LMNB1: variants seen among roughly 807,000 people sequenced by gnomAD.
The protein encoded by LMNB1 is lamin B1, also known as lamin-B1.
Under a neutral mutation model 67.1 loss-of-function variants are expected in LMNB1, and 23 were observed. That is an observed-to-expected ratio of 0.34 (90% CI 0.25 to 0.49). The LOEUF (loss-of-function observed/expected upper bound fraction) is 0.49. LMNB1 is among the 20% of genes least tolerant of loss of function. The probability of loss-of-function intolerance (pLI) is 0.99; values close to 1 mark genes in which losing one functional copy is unlikely to be tolerated. For synonymous variants in LMNB1, 281 were observed against 282.9 expected (o/e 0.99, Z 0.07); for missense variants, 634 against 746.5 (o/e 0.85, Z 1.76).
intron 10 of LMNB1, 89 bp downstream of exon 10, chr5:126,832,890 T>C: frequency 2.5e-6 from 2 of 798,196 alleles, no homozygotes; most frequent in Middle Eastern, 4.0e-4. Context: ...TTTTCCCCTA[T>C]CAGTTGATGA....
chr5:126,804,673 C>T, intron 1 of LMNB1, 103 bp from the exon 2 acceptor site: 1 of 1,060,166 alleles, frequency 9.4e-7, no homozygotes, highest in Non-Finnish European at 1.3e-6. Context: ...TGATGGGAGC[C>T]TTTATTTAAA....
chr5:126,786,510 G>A (rs1399453744), intron 1 of LMNB1, among the ~76,000 whole-genome samples: 1 of 152,130 alleles, frequency 6.6e-6, no homozygotes. Context: ...GTATTACTTA[G>A]CAAGTAATGA....
intron 1 of LMNB1, among the ~76,000 whole-genome samples, chr5:126,799,084 C>G (rs1561741577): frequency 6.8e-6 from 1 of 147,500 alleles, no homozygotes; most frequent in African/African-American, 2.5e-5. Flanking sequence ...GTGGCGCAAT[C>G]TCGGCTCACT....
At chr5:126,790,359 G>A (rs537009098) in intron 1 of LMNB1, among the ~76,000 whole-genome samples, 4 of 152,166 alleles carry the variant, frequency 2.6e-5, no homozygotes, top group Admixed American at 6.5e-5. Flanking sequence ...GCCTGCCTCG[G>A]CCTCCCAAAG....
At chr5:126,815,139 T>C (rs1751676771) in intron 5 of LMNB1, 1 of 152,232 alleles carries the variant, frequency 6.6e-6, no homozygotes, top group Non-Finnish European at 1.5e-5. Context: ...TGTTATCTTT[T>C]TGAATATTTT....
chr5:126,819,140 G>C lies in LMNB1; in HGVS notation c.1158G>C (p.Glu386Asp), dbSNP rs1322604349. The change falls in exon 6 of 11, where the codon GAG becomes GAC. Residue 386 changes from glutamate (E) to aspartate (D), a missense_variant and splice_region_variant. Transcript: ENST00000261366. ...AYRKLLEGEE[E>D]RLKLSPSPSS... The stretch of plus-strand genomic sequence containing the variant: ...GGAAACTCTTAGAAGGCGAAGAAGA[G>C]AGGTAAGGAACTTAAGGGTCACCCT... 2 of 1,612,972 alleles carry C rather than the reference G, an allele frequency of 1.2e-6. No individual in the cohort carries two copies. The highest frequency in any genetic ancestry group is 2.2e-5 in the South Asian group (2 of 91,034).
At position 126,818,901 on chromosome 5, in the gene LMNB1, T is replaced by TA. The variant is rs775778386; in HGVS notation, c.940-20dup. The stretch of plus-strand genomic sequence containing the variant: ...TGTTGGAATGTTCCTAGAAAGTAAA[T>TA]ATGTTTCCTTGCATCTTAAGTCTAG... On this transcript the variant is annotated intron_variant, in intron 5 of 10. Transcript: ENST00000261366. 20 of 1,544,294 alleles carry TA rather than the reference T, an allele frequency of 1.3e-5. No individual in the cohort carries two copies. The East Asian group carries it at 4.5e-4, about 35-fold the overall frequency.
chr5:126,830,296 CA>C (rs1412838777), intron 9 of LMNB1, among the ~76,000 whole-genome samples: 1 of 152,196 alleles, frequency 6.6e-6, no homozygotes, highest in Non-Finnish European at 1.5e-5. Flanking sequence ...AGGGGCGGAC[CA>C]ATGCTGCATT....
chr5:126,806,144 G>A (rs1325304981), intron 3 of LMNB1, among the ~76,000 whole-genome samples: 2 of 152,018 alleles, frequency 1.3e-5, no homozygotes, highest in African/African-American at 2.4e-5. Context: ...TAGTAGAGAC[G>A]GGATTTCACC....
chr5:126,787,343 T>C (rs961160287), intron 1 of LMNB1, among the ~76,000 whole-genome samples: 2 of 145,954 alleles, frequency 1.4e-5, no homozygotes, highest in African/African-American at 5.0e-5. Flanking sequence ...GATTTGCTTC[T>C]AAATGGAAAA....
chr5:126,810,833 G>C (rs1257459307), intron 4 of LMNB1, among the ~76,000 whole-genome samples: 1 of 152,116 alleles, frequency 6.6e-6, no homozygotes, highest in African/African-American at 2.4e-5. Flanking sequence ...TTCTTCTTCT[G>C]TCACTATTAT....
At chr5:126,804,106 G>T in intron 1 of LMNB1, among the ~76,000 whole-genome samples, 1 of 151,522 alleles carries the variant, frequency 6.6e-6, no homozygotes, top group Non-Finnish European at 1.5e-5. Flanking sequence ...CTGGGTCTTG[G>T]TCTACTGCCC....
At position 126,777,936 on chromosome 5, in the gene LMNB1, C is replaced by T. The variant is rs917288764; in HGVS notation, c.359+69C>T. 6 of 1,353,792 alleles carry T rather than the reference C, an allele frequency of 4.4e-6. No homozygotes were observed. The African/African-American group carries it at 9.2e-5, about 21-fold the overall frequency. The allele number at this position is 1,353,792 out of a possible 1,614,324, so 83.9% of individuals were successfully genotyped here. A position where few individuals can be genotyped will look rare whatever the true frequency, so the allele number is the denominator to read the frequency against. Reference sequence around the variant, plus strand: ...GGGCGCAACCGCGGCGACCAGCTCACCGGGTTCTGCCGTGGGGAGGGAGCA... The same window carrying T: ...GGGCGCAACCGCGGCGACCAGCTCATCGGGTTCTGCCGTGGGGAGGGAGCA... On this transcript the variant is annotated intron_variant, in intron 1 of 10. Coordinates refer to ENST00000261366, the MANE Select transcript of LMNB1 (RefSeq NM_005573.4).
At chr5:126,832,619 C>A in intron 9 of LMNB1, 75 bp from the exon 10 acceptor site, 1 of 1,060,346 alleles carries the variant, frequency 9.4e-7, no homozygotes, top group Non-Finnish European at 1.4e-6. Context: ...GTCTCTTAAG[C>A]AAAGAAAAGG....
chr5:126,780,276 T>A (rs561443689), intron 1 of LMNB1, among the ~76,000 whole-genome samples: 5 of 152,172 alleles, frequency 3.3e-5, no homozygotes, highest in Admixed American at 6.5e-5. Context: ...TTTAAAAAAA[T>A]GAATTACTGT....
At chr5:126,813,240 A>G (rs571942260) in intron 5 of LMNB1, among the ~76,000 whole-genome samples, 9 of 152,208 alleles carry the variant, frequency 5.9e-5, no homozygotes, top group African/African-American at 1.7e-4. Flanking sequence ...TTACGGCACA[A>G]ATTTTTAAAT....
In LMNB1 at chr5:126,836,300, G is replaced by C; in HGVS notation, c.*36G>C. 1 of 1,449,068 alleles carries C rather than the reference G, an allele frequency of 6.9e-7. No homozygotes were observed. Among genetic ancestry groups the C allele is most frequent in the Non-Finnish European group, 9.7e-7 (1 of 1,030,120 alleles). 89.8% of individuals were successfully genotyped at this position (1,449,068 alleles called of 1,614,324 possible). ...TGTCTTCCTCAAAATAAAGAAGTAT[G>C]GTAATCTTTACCTGTATACAGTGCA... On this transcript the variant is annotated 3_prime_UTR_variant, in exon 11 of 11. Transcript: ENST00000261366.
chr5:126,800,004 A>C (rs1013820909), intron 1 of LMNB1, among the ~76,000 whole-genome samples: 3 of 152,166 alleles, frequency 2.0e-5, no homozygotes, highest in South Asian at 2.1e-4. Context: ...TAGATTGACT[A>C]TTTGGGTCTC....
In LMNB1 at chr5:126,820,604, C is replaced by A. The variant is rs921790641; in HGVS notation, c.1161-306C>A. Among the ~76,000 whole-genome samples the A allele has an allele frequency of 3.9e-5, 6 of 152,160 alleles. No homozygotes were observed. In the East Asian group the frequency reaches 7.7e-4, roughly 20 times the overall value. ...GCAGTGGTGTGATCTCAGCTCACTG[C>A]AGCCTCTGCCTCCCGGGTTCAAGCC... On this transcript the variant is annotated intron_variant, in intron 6 of 10. Coordinates refer to ENST00000261366, the MANE Select transcript of LMNB1 (RefSeq NM_005573.4).
Sources: allele counts gnomAD v4.1 joint callset (sites outside exome capture counted in the v4.1 genomes callset), GRCh38; gene constraint gnomAD v4.1.1; transcripts MANE v1.5; gene names NCBI Gene and HGNC (gene_info 2026-07-23, HGNC 2026-07-21).